The following FAF1 variants were observed in gnomAD, a reference collection of about 807,000 sequenced individuals.
The protein encoded by FAF1 is Fas associated factor 1.
In FAF1, 25 loss-of-function variants were observed where a neutral mutation model predicts 92.5. The ratio of observed to expected loss-of-function variants is 0.27; its 90% CI spans 0.20 to 0.38. The LOEUF is 0.38. Among genes scored for constraint, FAF1 ranks in the 10% least tolerant of loss-of-function variants. The probability of loss-of-function intolerance (pLI) is 1.00; values close to 1 mark genes in which losing one functional copy is unlikely to be tolerated. For synonymous variants in FAF1, 234 were observed against 273.2 expected, an observed-to-expected ratio of 0.86 and a Z score of 1.42; for missense variants, 636 against 793.3, an observed-to-expected ratio of 0.80 and a Z score of 2.38.
intron 13 of FAF1, among the ~76,000 whole-genome samples, chr1:50,561,330 A>G (rs576746469): frequency 9.9e-5 from 15 of 152,264 alleles, no homozygotes; most frequent in African/African-American, 3.6e-4. Context: ...TCCAGTCTGA[A>G]CATTTTTAGT....
At chr1:50,846,239 T>G (rs775763370) in intron 2 of FAF1, among the ~76,000 whole-genome samples, 1 of 150,008 alleles carries the variant, frequency 6.7e-6, no homozygotes, top group African/African-American at 2.5e-5. Context: ...AAAATTACAA[T>G]GCATACAAAA....
rs950495284 is a variant in FAF1 at position 50,741,501 on chromosome 1, T to C, written c.460-2547A>G. ...GGAGAGTGATATAATTCAATTTATG[T>C]TTTTAAAAGATCACTCTGACTGCTG... On this transcript the variant is annotated intron_variant, in intron 5 of 18. Coordinates refer to ENST00000396153, the MANE Select transcript of FAF1 (RefSeq NM_007051.3). Among the ~76,000 whole-genome samples the C allele has an allele frequency of 5.9e-5, 9 of 152,234 alleles. No individual in the cohort carries two copies. In the East Asian group the frequency reaches 1.7e-3, roughly 29 times the overall value.
intron 2 of FAF1, among the ~76,000 whole-genome samples, chr1:50,833,813 T>C (rs537979558): frequency 6.6e-6 from 1 of 152,346 alleles, no homozygotes; most frequent in South Asian, 2.1e-4. Flanking sequence ...GATATCTTTC[T>C]GTGATACCAC....
chr1:50,519,415 A>AGAAGGAAG (rs144253773), intron 15 of FAF1, among the ~76,000 whole-genome samples: 3 of 90,178 alleles, frequency 3.3e-5, no homozygotes, highest in African/African-American at 1.3e-4. Flanking sequence ...AGGGAGGGAG[A>AGAAGGAAG]GAAGGAAGGA....
intron 8 of FAF1, among the ~76,000 whole-genome samples, chr1:50,636,147 A>G (rs1315165980): frequency 6.6e-6 from 1 of 152,188 alleles, no homozygotes; most frequent in African/African-American, 2.4e-5. Context: ...TCCACTAATT[A>G]AAAATAAAAC....
chr1:50,946,455 T>C (rs913220072), intron 1 of FAF1, among the ~76,000 whole-genome samples: 2 of 152,198 alleles, frequency 1.3e-5, no homozygotes, highest in East Asian at 1.9e-4. Flanking sequence ...ACCACTTAAT[T>C]TGGGCAACAT....
intron 7 of FAF1, among the ~76,000 whole-genome samples, chr1:50,681,418 T>G (rs1656414657): frequency 6.6e-6 from 1 of 152,168 alleles, no homozygotes; most frequent in East Asian, 1.9e-4. Context: ...ACTTCATTAT[T>G]CTTTATTTTT....
At chr1:50,574,269 A>AGG (rs1196249910) in intron 12 of FAF1, among the ~76,000 whole-genome samples, 10 of 152,244 alleles carry the variant, frequency 6.6e-5, no homozygotes, top group Non-Finnish European at 1.3e-4. Context: ...CATGTGGCAA[A>AGG]AGTTTTTATG....
chr1:50,488,331 A>G (rs1646790327), intron 17 of FAF1, among the ~76,000 whole-genome samples: 1 of 152,210 alleles, frequency 6.6e-6, no homozygotes, highest in Non-Finnish European at 1.5e-5. Context: ...GGAAAGAAAG[A>G]AAGTTTCAGC....
At chr1:50,850,980 G>A (rs1447666399) in intron 2 of FAF1, among the ~76,000 whole-genome samples, 2 of 151,662 alleles carry the variant, frequency 1.3e-5, no homozygotes, top group Non-Finnish European at 2.9e-5. Context: ...TCCAGTAATA[G>A]AAATTAAATC....
chr1:50,764,940 G>A (rs1660509574), intron 4 of FAF1, among the ~76,000 whole-genome samples: 1 of 152,274 alleles, frequency 6.6e-6, no homozygotes, highest in Admixed American at 6.5e-5. Flanking sequence ...AAACTAGGGT[G>A]GTTCACATTC....
chr1:50,677,518 G>A (rs898323708), intron 7 of FAF1, among the ~76,000 whole-genome samples: 21 of 152,146 alleles, frequency 1.4e-4, no homozygotes, highest in Non-Finnish European at 5.9e-5. Flanking sequence ...AGTAAACACT[G>A]TGATGGAAAA....
intron 6 of FAF1, among the ~76,000 whole-genome samples, chr1:50,709,565 C>T (rs1657829752): frequency 6.6e-6 from 1 of 152,092 alleles, no homozygotes; most frequent in South Asian, 2.1e-4. Flanking sequence ...TTAATTGCCC[C>T]TGGTCATCAA....
intron 13 of FAF1, among the ~76,000 whole-genome samples, chr1:50,546,982 G>A (rs958621455): frequency 1.3e-5 from 2 of 151,894 alleles, no homozygotes; most frequent in African/African-American, 2.4e-5. Flanking sequence ...TCCGCCTCAC[G>A]GGCTCCAGTG....
intron 7 of FAF1, among the ~76,000 whole-genome samples, chr1:50,679,445 TG>T (rs929140235): frequency 6.9e-6 from 1 of 144,490 alleles, no homozygotes; most frequent in African/African-American, 2.6e-5. Flanking sequence ...ACTTCACAGA[TG>T]AAAAAAAAAA....
Position 50,438,308 on chromosome 1 carries a change from C to T in FAF1, c.*3132G>A, listed in dbSNP as rs891819487. On this transcript the variant is annotated 3_prime_UTR_variant, in exon 19 of 19. Coordinates refer to ENST00000396153, the MANE Select transcript of FAF1 (RefSeq NM_007051.3). Reference sequence around the variant, plus strand: ...AGAGAGGTTACTTACCTTAAGGTCACGCAGCTACTAAGTGGCAGAAGAGAG... The same window carrying T: ...AGAGAGGTTACTTACCTTAAGGTCATGCAGCTACTAAGTGGCAGAAGAGAG... The T allele has an allele frequency of 1.3e-5, 2 of 152,134 alleles. No individual in the cohort carries two copies. Among genetic ancestry groups the T allele is most frequent in the African/African-American group, 2.4e-5 (1 of 41,412 alleles). The allele number at this position is 152,134 out of a possible 1,614,324, so 9.4% of individuals were successfully genotyped here. A position where few individuals can be genotyped will look rare whatever the true frequency, so the allele number is the denominator to read the frequency against.
intron 1 of FAF1, among the ~76,000 whole-genome samples, chr1:50,954,995 C>T (rs1254747832): frequency 1.3e-5 from 2 of 152,108 alleles, no homozygotes; most frequent in African/African-American, 2.4e-5. Context: ...GAGTGAGACC[C>T]TGTCTCGCCA....
intron 2 of FAF1, among the ~76,000 whole-genome samples, chr1:50,825,007 A>C (rs1644082701): frequency 6.6e-6 from 1 of 152,122 alleles, no homozygotes; most frequent in Non-Finnish European, 1.5e-5. Context: ...AAATACAGTT[A>C]GACAGAAGCA....
At chr1:50,677,055 A>G (rs1419311293) in intron 7 of FAF1, among the ~76,000 whole-genome samples, 1 of 152,196 alleles carries the variant, frequency 6.6e-6, no homozygotes, top group African/African-American at 2.4e-5. Context: ...CTATATGCAC[A>G]TTAGTCACTT....
Sources: allele counts gnomAD v4.1 joint callset (sites outside exome capture counted in the v4.1 genomes callset), GRCh38; gene constraint gnomAD v4.1.1; transcripts MANE v1.5; gene names NCBI Gene and HGNC (gene_info 2026-07-23, HGNC 2026-07-21).